Variants in CDH12 observed in about 807,000 individuals in gnomAD.
CDH12 encodes cadherin-12.
CDH12 carries 41 observed loss-of-function variants against 74.1 expected under a neutral mutation model. The ratio of observed to expected loss-of-function variants is 0.55; its 90% CI spans 0.43 to 0.72. The LOEUF (loss-of-function observed/expected upper bound fraction) is 0.72. CDH12 is among the 30% of genes least tolerant of loss of function. The pLI, the probability that CDH12 is intolerant of heterozygous loss-of-function variation, is 0.00. For synonymous variants in CDH12, 399 were observed against 355.0 expected, an observed-to-expected ratio of 1.12 and a Z score of -1.39; for missense variants, 945 against 977.2, an observed-to-expected ratio of 0.97 and a Z score of 0.44.
rs201716467 is a variant in CDH12 at position 22,105,101 on chromosome 5, C to CT, written c.-186-26240dup. On this transcript the variant is annotated intron_variant, in intron 4 of 14. Transcript: ENST00000382254. ...GTTTCCAAATTTCTGCTTTTCTTTT[C>CT]TTTTTTTTTGAGATTGAGTCTCACT... Among the ~76,000 whole-genome samples the CT allele has an allele frequency of 8.1e-3, 1,221 of 150,420 alleles. 19 individuals carry two copies. The highest frequency in any genetic ancestry group is 0.028 in the African/African-American group (1,160 of 40,912).
At chr5:22,316,646 C>T (rs1266740495) in intron 3 of CDH12, among the ~76,000 whole-genome samples, 2 of 152,002 alleles carry the variant, frequency 1.3e-5, no homozygotes, top group African/African-American at 4.8e-5. Context: ...AAAATTGTAT[C>T]TATACCCATA....
At chr5:22,705,193 A>G (rs1206071199) in intron 1 of CDH12, among the ~76,000 whole-genome samples, 4 of 143,502 alleles carry the variant, frequency 2.8e-5, no homozygotes, top group African/African-American at 7.8e-5. Context: ...TGTATCTTGC[A>G]TTGGTTCTTT....
At chr5:22,178,909 C>T (rs555552284) in intron 4 of CDH12, among the ~76,000 whole-genome samples, 6 of 152,376 alleles carry the variant, frequency 3.9e-5, no homozygotes, top group African/African-American at 1.4e-4. Flanking sequence ...TTGAAAATCT[C>T]TTTAATATTT....
At chr5:22,092,769 A>G (rs1204533474) in intron 4 of CDH12, among the ~76,000 whole-genome samples, 1 of 152,144 alleles carries the variant, frequency 6.6e-6, no homozygotes, top group East Asian at 1.9e-4. Context: ...AGAAAATGGA[A>G]AAGACTCATC....
At chr5:21,871,499 G>A (rs932408504) in intron 6 of CDH12, among the ~76,000 whole-genome samples, 4 of 152,238 alleles carry the variant, frequency 2.6e-5, no homozygotes, top group East Asian at 3.9e-4. Context: ...TTTGGAGGCC[G>A]AGGCGGGTGG....
At chr5:22,664,279 G>A (rs1054480326) in intron 1 of CDH12, among the ~76,000 whole-genome samples, 9 of 152,120 alleles carry the variant, frequency 5.9e-5, no homozygotes, top group African/African-American at 2.2e-4. Flanking sequence ...AATTTATAAA[G>A]GAAAGAGGTT....
intron 4 of CDH12, among the ~76,000 whole-genome samples, chr5:22,112,008 A>G (rs1379304825): frequency 6.6e-6 from 1 of 152,148 alleles, no homozygotes; most frequent in South Asian, 2.1e-4. Flanking sequence ...GTAATTCCCT[A>G]TAACATTATA....
intron 6 of CDH12, among the ~76,000 whole-genome samples, chr5:21,905,666 G>A (rs1014089434): frequency 9.2e-5 from 14 of 152,112 alleles, no homozygotes; most frequent in Non-Finnish European, 2.1e-4. Flanking sequence ...GGACTAGAAA[G>A]TTCTCACAGA....
At chr5:22,715,727 G>T (rs1009718946) in intron 1 of CDH12, among the ~76,000 whole-genome samples, 1 of 151,126 alleles carries the variant, frequency 6.6e-6, no homozygotes, top group Non-Finnish European at 1.5e-5. Context: ...CTTGAACCCA[G>T]GAGGCAGAGG....
intron 5 of CDH12, among the ~76,000 whole-genome samples, chr5:21,997,368 T>A (rs1366478082): frequency 1.3e-5 from 2 of 152,170 alleles, no homozygotes; most frequent in African/African-American, 4.8e-5. Context: ...ATGATGAATA[T>A]TTTCTGCACT....
At chr5:22,658,084 G>A (rs1740146155) in intron 1 of CDH12, among the ~76,000 whole-genome samples, 1 of 152,150 alleles carries the variant, frequency 6.6e-6, no homozygotes, top group Non-Finnish European at 1.5e-5. Context: ...TGTAGTGATA[G>A]CTTTTGCATA....
chr5:22,735,154 C>T (rs1580940342), intron 1 of CDH12, among the ~76,000 whole-genome samples: 1 of 151,882 alleles, frequency 6.6e-6, no homozygotes. Context: ...AAAGATGTTA[C>T]TGCCACCTAT....
At chr5:22,522,978 T>C (rs1317914663) in intron 1 of CDH12, among the ~76,000 whole-genome samples, 3 of 152,144 alleles carry the variant, frequency 2.0e-5, no homozygotes, top group African/African-American at 7.2e-5. Flanking sequence ...CACTCAGACA[T>C]CATACCTCAT....
At chr5:22,055,379 C>T (rs1466500515) in intron 5 of CDH12, among the ~76,000 whole-genome samples, 1 of 152,116 alleles carries the variant, frequency 6.6e-6, no homozygotes, top group Non-Finnish European at 1.5e-5. Context: ...CAATTGAAGC[C>T]TAGGACTTAA....
intron 5 of CDH12, among the ~76,000 whole-genome samples, chr5:21,992,667 C>T: frequency 6.6e-6 from 1 of 152,148 alleles, no homozygotes. Context: ...TACTGATCAT[C>T]CACTGTTTTT....
At chr5:22,609,617 C>A (rs1554053828) in intron 1 of CDH12, among the ~76,000 whole-genome samples, 1 of 152,140 alleles carries the variant, frequency 6.6e-6, no homozygotes, top group Non-Finnish European at 1.5e-5. Flanking sequence ...CAACTGAAAT[C>A]AATTCCTTTC....
At chr5:22,756,304 A>G (rs1166538917) in intron 1 of CDH12, among the ~76,000 whole-genome samples, 1 of 152,108 alleles carries the variant, frequency 6.6e-6, no homozygotes, top group African/African-American at 2.4e-5. Flanking sequence ...CTATATTTGT[A>G]ACATTCAAAG....
At chr5:22,353,882 T>C (rs564813099) in intron 3 of CDH12, among the ~76,000 whole-genome samples, 1 of 152,306 alleles carries the variant, frequency 6.6e-6, no homozygotes, top group East Asian at 1.9e-4. Context: ...CCCTGGTACA[T>C]GGATTGCATA....
chr5:21,996,350 G>A (rs1306719348), intron 5 of CDH12, among the ~76,000 whole-genome samples: 3 of 152,154 alleles, frequency 2.0e-5, no homozygotes, highest in African/African-American at 7.2e-5. Flanking sequence ...AAATTGGTAA[G>A]AAGAAAGTAT....
Sources: gnomAD v4.1 joint callset for allele counts (sites outside exome capture counted in the v4.1 genomes callset) on GRCh38, gnomAD v4.1.1 for gene constraint, MANE v1.5 for transcripts, NCBI Gene and HGNC (gene_info 2026-07-23, HGNC 2026-07-21) for gene names.